Variants in EXTL3 observed in about 807,000 individuals in gnomAD.
EXTL3 encodes exostosin-like 3.
EXTL3 carries 27 observed loss-of-function variants against 69.3 expected under a neutral mutation model. The observed-to-expected ratio is 0.39, with a 90% CI of 0.29 to 0.54. EXTL3 has a LOEUF of 0.54. Ranked by LOEUF, EXTL3 falls within the 20% of genes least tolerant of loss-of-function variation. EXTL3 has a pLI of 0.69. For synonymous variants in EXTL3, 511 were observed against 499.4 expected (o/e 1.02, Z -0.31); for missense variants, 1,003 against 1,231.8 (o/e 0.81, Z 2.78).
chr8:28,693,219 G>A (rs1205915492), intron 1 of EXTL3, among the ~76,000 whole-genome samples: 3 of 148,012 alleles, frequency 2.0e-5, no homozygotes, highest in Non-Finnish European at 4.4e-5. Context: ...GCATAATCTC[G>A]GCTCACAGCA....
chr8:28,742,668 G>A (rs1049483386), intron 5 of EXTL3: 3 of 313,660 alleles, frequency 9.6e-6, no homozygotes, highest in South Asian at 5.7e-5. Flanking sequence ...GGGATCGTGT[G>A]TTTCATGGTT....
intron 6 of EXTL3, among the ~76,000 whole-genome samples, chr8:28,746,979 GT>G (rs797008628): frequency 6.8e-6 from 1 of 146,566 alleles, no homozygotes; most frequent in African/African-American, 2.6e-5. Flanking sequence ...CAGCTTAAAT[GT>G]TTTTTTTACT....
In EXTL3 at chr8:28,752,519, T is replaced by C. The variant is rs1363889741; in HGVS notation, c.*1653T>C. The C allele has an allele frequency of 6.5e-6, 1 of 152,684 alleles. No individual in the cohort carries two copies. The highest frequency in any genetic ancestry group is 6.5e-5 in the Admixed American group (1 of 15,280). The allele number at this position is 152,684 out of a possible 1,614,324, so 9.5% of individuals were successfully genotyped here. A position where few individuals can be genotyped will look rare whatever the true frequency, so the allele number is the denominator to read the frequency against. On this transcript the variant is annotated 3_prime_UTR_variant, in exon 7 of 7. Coordinates refer to ENST00000220562, the MANE Select transcript of EXTL3 (RefSeq NM_001440.4). The stretch of plus-strand genomic sequence containing the variant: ...ACGTGGGTCCTCTTCAAGTACTGTT[T>C]TGAAGCTGGGCTCTTTTGTGTAGCT...
At chr8:28,634,333 C>A (rs763608260) in intron 1 of EXTL3, among the ~76,000 whole-genome samples, 13 of 152,116 alleles carry the variant, frequency 8.5e-5, no homozygotes, top group Non-Finnish European at 1.9e-4. Flanking sequence ...CCTGTCACTT[C>A]CTTGTCAGGA....
At chr8:28,742,153 A>G (rs1482061836) in intron 5 of EXTL3, 2 of 152,246 alleles carry the variant, frequency 1.3e-5, no homozygotes, top group Non-Finnish European at 2.9e-5. Flanking sequence ...AACAGTAGAT[A>G]TAGGTAACCT....
At chr8:28,740,215 T>TA (rs1311628851) in intron 5 of EXTL3, 1 of 152,230 alleles carries the variant, frequency 6.6e-6, no homozygotes, top group African/African-American at 2.4e-5. Context: ...GCTGCTCCTG[T>TA]AGTTGAGGCC....
At chr8:28,734,180 A>C (rs1240015178) in intron 4 of EXTL3, among the ~76,000 whole-genome samples, 1 of 152,148 alleles carries the variant, frequency 6.6e-6, no homozygotes, top group Non-Finnish European at 1.5e-5. Flanking sequence ...CAAGTCCATT[A>C]TCAGTGATTG....
intron 3 of EXTL3, among the ~76,000 whole-genome samples, chr8:28,730,485 ATACTT>A (rs139318210): frequency 0.019 from 2,918 of 152,302 alleles, 111 homozygotes; most frequent in African/African-American, 0.066. Context: ...TAGGTAAACT[ATACTT>A]AACTGAGATA....
intron 1 of EXTL3, among the ~76,000 whole-genome samples, chr8:28,677,782 G>C (rs1807412458): frequency 6.6e-6 from 1 of 152,216 alleles, no homozygotes; most frequent in South Asian, 2.1e-4. Context: ...GCAGCTATCT[G>C]CCTGTGTGCT....
At chr8:28,610,215 A>ATGTGTGTGTG (rs367793242) in intron 2 of EXTL3, among the ~76,000 whole-genome samples, 2,754 of 149,410 alleles carry the variant, frequency 0.018, 43 homozygotes, top group African/African-American at 0.035. Flanking sequence ...AAATATGTAT[A>ATGTGTGTGTG]TGTGTGTGTG....
chr8:28,703,834 A>G (rs1800864157), intron 1 of EXTL3, among the ~76,000 whole-genome samples: 1 of 152,164 alleles, frequency 6.6e-6, no homozygotes, highest in African/African-American at 2.4e-5. Context: ...CTATTAACAT[A>G]TTTCTATTTT....
chr8:28,626,611 G>C (rs553155308), intron 1 of EXTL3, among the ~76,000 whole-genome samples: 1 of 152,262 alleles, frequency 6.6e-6, no homozygotes, highest in Non-Finnish European at 1.5e-5. Flanking sequence ...GTTTACTTAG[G>C]CACTTTGTGT....
At chr8:28,689,378 C>T (rs1413988889) in intron 1 of EXTL3, among the ~76,000 whole-genome samples, 2 of 152,182 alleles carry the variant, frequency 1.3e-5, no homozygotes, top group Non-Finnish European at 2.9e-5. Context: ...ATTTGAGCCC[C>T]ATCTCTTCTT....
At chr8:28,670,255 C>T (rs1479333197) in intron 1 of EXTL3, among the ~76,000 whole-genome samples, 3 of 145,622 alleles carry the variant, frequency 2.1e-5, no homozygotes, top group African/African-American at 7.6e-5. Context: ...AGACAGGTTG[C>T]TAGGAATAGT....
chr8:28,618,678 A>C (rs964145662), upstream of EXTL3, among the ~76,000 whole-genome samples: 7 of 152,166 alleles, frequency 4.6e-5, no homozygotes, highest in Admixed American at 1.3e-4. Flanking sequence ...GCCTGAGAAC[A>C]GTGGTGAAAG....
intron 3 of EXTL3, among the ~76,000 whole-genome samples, chr8:28,729,554 C>T (rs558234024): frequency 5.4e-5 from 7 of 130,176 alleles, no homozygotes; most frequent in East Asian, 2.3e-4. Flanking sequence ...CAAGATTGCG[C>T]GACTGCACTC....
chr8:28,641,470 G>GA, intron 1 of EXTL3, among the ~76,000 whole-genome samples: 1 of 152,258 alleles, frequency 6.6e-6, no homozygotes, highest in Middle Eastern at 3.4e-3. Context: ...AAATATTGGG[G>GA]AAAAGTATTT....
rs2130809155 is a variant in EXTL3, at chr8:28,752,237, T to A, written c.*1371T>A. On this transcript the variant is annotated 3_prime_UTR_variant, in exon 7 of 7. Transcript: ENST00000220562. ...TCCCTGGGCTGAAACTGAAATAAGC[T>A]AATTTTTTGGGTCACGGTGGCAGTA... The A allele has an allele frequency of 6.6e-6, 1 of 152,574 alleles. No homozygotes were observed. Among genetic ancestry groups the A allele is most frequent in the African/African-American group, 2.4e-5 (1 of 41,562 alleles). The allele number at this position is 152,574 out of a possible 1,614,324, so 9.5% of individuals were successfully genotyped here.
chr8:28,724,533 C>T lies in EXTL3; in HGVS notation c.2148+6326C>T, dbSNP rs189143986. On this transcript the variant is annotated intron_variant, in intron 3 of 6. Transcript: ENST00000220562. Reference sequence around the variant, plus strand: ...CTGTAATCCCAGCACTTTGGGAGGCCGAGATGGGTGGATCGCGAGGTCAGG... The same window carrying T: ...CTGTAATCCCAGCACTTTGGGAGGCTGAGATGGGTGGATCGCGAGGTCAGG... Among the ~76,000 whole-genome samples the T allele has an allele frequency of 2.9e-4, 44 of 149,790 alleles. No homozygotes were observed. The East Asian group carries it at 6.3e-3, about 21-fold the overall frequency.
Sources: gnomAD v4.1 joint callset for allele counts (sites outside exome capture counted in the v4.1 genomes callset) on GRCh38, gnomAD v4.1.1 for gene constraint, MANE v1.5 for transcripts, NCBI Gene and HGNC (gene_info 2026-07-23, HGNC 2026-07-21) for gene names.